MACROD2: variants seen among roughly 807,000 people sequenced by gnomAD.
MACROD2 encodes ADP-ribose glycohydrolase MACROD2.
In MACROD2, 36 loss-of-function variants were observed where a neutral mutation model predicts 70.4. The observed-to-expected ratio is 0.51, with a 90% CI of 0.39 to 0.68. MACROD2 has a LOEUF of 0.68. MACROD2 is among the 30% of genes least tolerant of loss of function. MACROD2 has a pLI of 0.00. For missense variants in MACROD2, 496 were observed against 538.4 expected (o/e 0.92, Z 0.78); for synonymous variants, 172 against 178.8 (o/e 0.96, Z 0.30).
At chr20:15,720,972 C>G (rs1338598900) in intron 8 of MACROD2, among the ~76,000 whole-genome samples, 1 of 152,150 alleles carries the variant, frequency 6.6e-6, no homozygotes, top group Non-Finnish European at 1.5e-5. Flanking sequence ...TTAGTGCTGT[C>G]TCTCCACTGA....
chr20:15,697,055 A>C (rs974256008), intron 8 of MACROD2, among the ~76,000 whole-genome samples: 3 of 152,034 alleles, frequency 2.0e-5, no homozygotes, highest in Admixed American at 6.5e-5. Context: ...AATTTCATTT[A>C]GTTCTGCTCT....
At chr20:15,124,378 A>G (rs1468603236) in intron 5 of MACROD2, among the ~76,000 whole-genome samples, 1 of 151,092 alleles carries the variant, frequency 6.6e-6, no homozygotes, top group Non-Finnish European at 1.5e-5. Flanking sequence ...AAAAAAGGCA[A>G]AGATAAAATT....
chr20:15,668,634 A>G (rs1420396237), intron 8 of MACROD2, among the ~76,000 whole-genome samples: 1 of 151,598 alleles, frequency 6.6e-6, no homozygotes, highest in African/African-American at 2.4e-5. Flanking sequence ...AGAGGTTCCC[A>G]TTGTTATTTG....
At chr20:14,263,142 G>A (rs866725159) in intron 3 of MACROD2, among the ~76,000 whole-genome samples, 2 of 152,084 alleles carry the variant, frequency 1.3e-5, no homozygotes, top group Non-Finnish European at 2.9e-5. Context: ...TGATACTAGA[G>A]GAAGGAAGGG....
chr20:15,775,405 A>T (rs1462718129), intron 8 of MACROD2, among the ~76,000 whole-genome samples: 1 of 152,176 alleles, frequency 6.6e-6, no homozygotes, highest in Non-Finnish European at 1.5e-5. Flanking sequence ...AGCCTCAGGC[A>T]GATCAGTAGT....
intron 4 of MACROD2, among the ~76,000 whole-genome samples, chr20:14,553,034 TTA>T (rs1259710272): frequency 6.6e-6 from 1 of 152,102 alleles, no homozygotes; most frequent in African/African-American, 2.4e-5. Context: ...TGTAACTTTT[TTA>T]TGTTATATAC....
intron 6 of MACROD2, among the ~76,000 whole-genome samples, chr20:15,381,423 A>G (rs1470308875): frequency 6.6e-6 from 1 of 151,778 alleles, no homozygotes; most frequent in East Asian, 2.0e-4. Context: ...AATCTAGGCC[A>G]GGCACAGTGG....
chr20:14,102,292 G>A (rs557354878), intron 3 of MACROD2, among the ~76,000 whole-genome samples: 12 of 152,102 alleles, frequency 7.9e-5, no homozygotes, highest in African/African-American at 2.4e-4. Flanking sequence ...TTGAGCGACC[G>A]CGGCTGGCCT....
chr20:15,714,576 T>C (rs1207159312), intron 8 of MACROD2, among the ~76,000 whole-genome samples: 1 of 152,202 alleles, frequency 6.6e-6, no homozygotes, highest in Non-Finnish European at 1.5e-5. Flanking sequence ...CTTTTAGGCT[T>C]GATTAGGGTC....
At chr20:14,448,134 C>G (rs1292088359) in intron 3 of MACROD2, among the ~76,000 whole-genome samples, 1 of 151,888 alleles carries the variant, frequency 6.6e-6, no homozygotes, top group African/African-American at 2.4e-5. Context: ...TCCCACATCT[C>G]TCTTTCATTT....
intron 5 of MACROD2, among the ~76,000 whole-genome samples, chr20:15,166,830 T>A (rs1380612042): frequency 4.0e-5 from 6 of 151,310 alleles, no homozygotes; most frequent in Non-Finnish European, 7.4e-5. Context: ...GAAACAGAAA[T>A]GAAGGTTTTA....
chr20:14,277,328 G>A (rs2082268150), intron 3 of MACROD2, among the ~76,000 whole-genome samples: 1 of 152,084 alleles, frequency 6.6e-6, no homozygotes, highest in African/African-American at 2.4e-5. Flanking sequence ...CGCACCTGTA[G>A]TCCCAGCTAC....
intron 12 of MACROD2, among the ~76,000 whole-genome samples, chr20:15,952,025 T>C (rs1274668185): frequency 2.6e-5 from 4 of 152,138 alleles, no homozygotes; most frequent in Non-Finnish European, 5.9e-5. Context: ...GTGTTTCCCA[T>C]GCTGTTCTGG....
In MACROD2 at chr20:13,995,951, G is replaced by C. The variant is rs896002779; in HGVS notation, c.46+142G>C. 3.1e-6 allele frequency: 3 copies of C among 965,536 alleles called. No individual in the cohort carries two copies. The African/African-American group carries it at 4.9e-5, about 16-fold the overall frequency. The allele number at this position is 965,536 out of a possible 1,614,324, so 59.8% of individuals were successfully genotyped here. Reference sequence around the variant, plus strand: ...CCGGTGCCGCCTCCCTCCGGTGTCCGTGTGTACACACGCGCACACTCGCGC... The same window carrying C: ...CCGGTGCCGCCTCCCTCCGGTGTCCCTGTGTACACACGCGCACACTCGCGC... On this transcript the variant is annotated intron_variant, in intron 1 of 17. Coordinates refer to ENST00000684519, the MANE Select transcript of MACROD2 (RefSeq NM_001351661.2). This position sits in a 1 kb window ranked among gnomAD's most constrained non-coding sequence, Gnocchi z 4.3.
chr20:14,756,335 T>C (rs530712550), intron 5 of MACROD2, among the ~76,000 whole-genome samples: 2 of 152,250 alleles, frequency 1.3e-5, no homozygotes, highest in East Asian at 3.9e-4. Flanking sequence ...TGACCACTTT[T>C]CTAAATTCAA....
chr20:14,306,800 T>A (rs1003701742), intron 3 of MACROD2, among the ~76,000 whole-genome samples: 3 of 152,116 alleles, frequency 2.0e-5, no homozygotes, highest in Non-Finnish European at 4.4e-5. Flanking sequence ...AAAGCAAAGA[T>A]CAATTGTATA....
intron 5 of MACROD2, among the ~76,000 whole-genome samples, chr20:14,950,376 C>G (rs1458744672): frequency 6.6e-6 from 1 of 152,112 alleles, no homozygotes; most frequent in Non-Finnish European, 1.5e-5. Flanking sequence ...GAAGTCTTGC[C>G]TGGGTCTAAG....
chr20:14,247,905 C>G (rs2081980356), intron 3 of MACROD2, among the ~76,000 whole-genome samples: 2 of 152,034 alleles, frequency 1.3e-5, no homozygotes, highest in South Asian at 4.1e-4. Context: ...TATGTTTTTT[C>G]TTACCTAAAA....
At chr20:14,829,808 A>G (rs571053045) in intron 5 of MACROD2, among the ~76,000 whole-genome samples, 225 of 152,284 alleles carry the variant, frequency 1.5e-3, no homozygotes, top group African/African-American at 5.1e-3. Flanking sequence ...TTTATTTAGT[A>G]TCAGCATTAA....
Sources: gnomAD v4.1 joint callset for allele counts (sites outside exome capture counted in the v4.1 genomes callset) on GRCh38, gnomAD v4.1.1 for gene constraint, Gnocchi (gnomAD v3.1) non-coding constraint, MANE v1.5 for transcripts, NCBI Gene and HGNC (gene_info 2026-07-23, HGNC 2026-07-21) for gene names.